GPR160: variants seen among roughly 807,000 people sequenced by gnomAD.
GPR160 encodes the protein G protein-coupled receptor 160.
In GPR160, 2 loss-of-function variants were observed where a neutral mutation model predicts 2.6. That is an observed-to-expected ratio of 0.77 (90% CI 0.32 to 2.44). The LOEUF is 2.44. Among genes scored for constraint, GPR160 ranks in the 30% most tolerant of loss-of-function variants. The pLI is 0.11. For missense variants in GPR160, 351 were observed against 383.6 expected (o/e 0.91, Z 0.71); for synonymous variants, 130 against 132.2 (o/e 0.98, Z 0.12).
chr3:170,050,339 G>A (rs1288767651), intron 2 of GPR160, among the ~76,000 whole-genome samples: 1 of 151,820 alleles, frequency 6.6e-6, no homozygotes, highest in African/African-American at 2.4e-5. Context: ...CACCTCCCAG[G>A]TTCAAGTGAT....
At chr3:170,069,848 G>A (rs1712508368) in intron 2 of GPR160, among the ~76,000 whole-genome samples, 1 of 152,038 alleles carries the variant, frequency 6.6e-6, no homozygotes, top group African/African-American at 2.4e-5. Context: ...AGGCTGGGTG[G>A]CTGAAACAAC....
At chr3:170,049,958 G>A (rs965544500) in intron 2 of GPR160, 32 of 152,256 alleles carry the variant, frequency 2.1e-4, no homozygotes, top group African/African-American at 7.0e-4. Context: ...TTTGCTTCAC[G>A]AGTCTGAGAC....
intron 2 of GPR160, among the ~76,000 whole-genome samples, chr3:170,058,603 AATG>A (rs1451590566): frequency 2.0e-5 from 3 of 152,366 alleles, no homozygotes; most frequent in Non-Finnish European, 4.4e-5. Context: ...GTCATTCAAA[AATG>A]ATGATCAGCA....
intron 2 of GPR160, among the ~76,000 whole-genome samples, chr3:170,068,510 C>T (rs1417743898): frequency 1.3e-5 from 2 of 152,152 alleles, no homozygotes; most frequent in Non-Finnish European, 2.9e-5. Flanking sequence ...TCTGTGACTC[C>T]TGTTATTCAG....
intron 2 of GPR160, chr3:170,062,714 A>C: frequency 3.7e-6 from 5 of 1,358,734 alleles, no homozygotes; most frequent in Non-Finnish European, 5.2e-6. Context: ...AAAAAAGCTC[A>C]AGGAAAAGTC....
At chr3:170,051,465 C>G (rs1313790953) in intron 2 of GPR160, among the ~76,000 whole-genome samples, 2 of 152,118 alleles carry the variant, frequency 1.3e-5, no homozygotes, top group Non-Finnish European at 2.9e-5. Flanking sequence ...TGGCTCACAC[C>G]TGTAATCTCA....
chr3:170,044,865 A>G (rs553677542), intron 2 of GPR160, among the ~76,000 whole-genome samples: 1 of 152,158 alleles, frequency 6.6e-6, no homozygotes, highest in African/African-American at 2.4e-5. Flanking sequence ...CCCCCAAGAA[A>G]GCTCTGCAGG....
chr3:170,074,276 C>T (rs868260023), intron 2 of GPR160, among the ~76,000 whole-genome samples: 3 of 152,060 alleles, frequency 2.0e-5, no homozygotes, highest in Non-Finnish European at 4.4e-5. Flanking sequence ...ACAAATTTAT[C>T]GAAATAAAGT....
intron 2 of GPR160, among the ~76,000 whole-genome samples, chr3:170,063,708 G>T (rs746519874): frequency 6.6e-6 from 1 of 152,124 alleles, no homozygotes; most frequent in African/African-American, 2.4e-5. Flanking sequence ...AGGCCTGGAC[G>T]GGATGGCTCC....
At chr3:170,063,206 G>A (rs1421474963) in intron 2 of GPR160, 1 of 147,820 alleles carries the variant, frequency 6.8e-6, no homozygotes, top group East Asian at 2.0e-4. Flanking sequence ...AATACAGGTT[G>A]AACGTTTTGT....
In GPR160 at chr3:170,038,931, G is replaced by A. The variant is rs2108303469; in HGVS notation, c.-305G>A. On this transcript the variant is annotated 5_prime_UTR_variant, in exon 2 of 4. Coordinates refer to ENST00000355897, the MANE Select transcript of GPR160 (RefSeq NM_014373.3). This position sits in a 1 kb window ranked among gnomAD's most constrained non-coding sequence, Gnocchi z 5.3. ...CCTGCGCAGGTGGCCTCGAGGTGGT[G>A]GCAGGGCCGCCCCCTGCAGTCCGGA... The A allele has an allele frequency of 6.6e-6, 1 of 152,110 alleles. No individual in the cohort carries two copies. Among genetic ancestry groups the A allele is most frequent in the Admixed American group, 6.5e-5 (1 of 15,296 alleles). 9.4% of individuals were successfully genotyped at this position (152,110 alleles called of 1,614,324 possible). A position where few individuals can be genotyped will look rare whatever the true frequency, so the allele number is the denominator to read the frequency against.
Position 170,038,532 on chromosome 3 carries a change from C to T in GPR160, c.-322+317C>T, listed in dbSNP as rs549645619. ...TGGGCGTGTCCCGCACCCAGAGACT[C>T]GCCACCCTCTCTCCAGGGGAGATGC... On this transcript the variant is annotated intron_variant, in intron 1 of 3. Coordinates refer to ENST00000355897, the MANE Select transcript of GPR160 (RefSeq NM_014373.3). The surrounding 1 kb of genome is among the most constrained non-coding windows in gnomAD (Gnocchi z 5.3). 6.6e-6 allele frequency: 1 copy of T among 152,190 alleles called. No homozygotes were observed. Among genetic ancestry groups the T allele is most frequent in the Non-Finnish European group, 1.5e-5 (1 of 68,088 alleles). The allele number at this position is 152,190 out of a possible 1,614,324, so 9.4% of individuals were successfully genotyped here.
chr3:170,063,805 C>T (rs1236867754), intron 2 of GPR160, among the ~76,000 whole-genome samples: 4 of 152,070 alleles, frequency 2.6e-5, no homozygotes, highest in South Asian at 2.1e-4. Flanking sequence ...GCTTGTCTTC[C>T]CCGTGCTTTC....
chr3:170,054,355 C>T (rs547316313), intron 2 of GPR160, among the ~76,000 whole-genome samples: 1 of 152,246 alleles, frequency 6.6e-6, no homozygotes, highest in Non-Finnish European at 1.5e-5. Context: ...ACTGTCTCTT[C>T]AAAATTGCTT....
chr3:170,062,856 C>A, intron 2 of GPR160: 1 of 481,704 alleles, frequency 2.1e-6, no homozygotes, highest in Non-Finnish European at 3.8e-6. Context: ...AGACTGACCT[C>A]ATCAATGACA....
chr3:170,064,100 G>T (rs2302863), intron 2 of GPR160, among the ~76,000 whole-genome samples: 56,399 of 151,536 alleles, frequency 0.37, 11,284 homozygotes, highest in East Asian at 0.6. Flanking sequence ...GTATTTTTTT[G>T]GGGGGGGCAT....
In GPR160 at chr3:170,084,532, T is replaced by C; in HGVS notation, c.560T>C (p.Phe187Ser). The change falls in exon 4 of 4, where the codon TTT becomes TCT. Residue 187 changes from phenylalanine (F) to serine (S), a missense_variant. Coordinates refer to ENST00000355897, the MANE Select transcript of GPR160 (RefSeq NM_014373.3). ...AGCATTCAGAGTTACTGGCTGTCAT[T>C]TTTCATGGTGATGATTTTATTTGTA... is the stretch of plus-strand genomic sequence containing the variant. ...YVSIQSYWLS[F>S]FMVMILFVAF... 6.2e-7 allele frequency: 1 copy of C among 1,612,678 alleles called. No individual in the cohort carries two copies. The highest frequency in any genetic ancestry group is 1.1e-5 in the South Asian group (1 of 91,062).
chr3:170,054,163 C>T (rs1576894648), intron 2 of GPR160, among the ~76,000 whole-genome samples: 1 of 151,210 alleles, frequency 6.6e-6, no homozygotes, highest in African/African-American at 2.4e-5. Flanking sequence ...GCCCAACAAA[C>T]TTATCTTAAA....
At chr3:170,042,420 C>CAAAAAA (rs34452268) in intron 2 of GPR160, among the ~76,000 whole-genome samples, 2 of 103,872 alleles carry the variant, frequency 1.9e-5, no homozygotes, top group Admixed American at 1.0e-4. Flanking sequence ...GATACTGCCT[C>CAAAAAA]AAAAAAAAAA....
Sources: allele counts gnomAD v4.1 joint callset (sites outside exome capture counted in the v4.1 genomes callset), GRCh38; gene constraint gnomAD v4.1.1; non-coding constraint Gnocchi (gnomAD v3.1); transcripts MANE v1.5; gene names NCBI Gene and HGNC (gene_info 2026-07-23, HGNC 2026-07-21).